Variants in SYNE2 observed in about 807,000 individuals in gnomAD.
SYNE2 encodes nesprin-2.
In SYNE2, 431 loss-of-function variants were observed where a neutral mutation model predicts 856.3. The observed-to-expected ratio is 0.50, with a 90% CI of 0.47 to 0.55. The LOEUF is 0.55. SYNE2 is among the 20% of genes least tolerant of loss of function. The pLI, the probability that SYNE2 is intolerant of heterozygous loss-of-function variation, is 0.00. For synonymous variants in SYNE2, 2,923 were observed against 2,872.3 expected (o/e 1.02, Z -0.56); for missense variants, 8,129 against 8,023.2 (o/e 1.01, Z -0.50).
At chr14:64,048,693 A>G (rs2097202878) in intron 46 of SYNE2, 1 of 153,332 alleles carries the variant, frequency 6.5e-6, no homozygotes, top group African/African-American at 2.4e-5. Context: ...GGACTGCCTG[A>G]GTCCAGGAGT....
At chr14:64,214,097 A>C in intron 105 of SYNE2, 97 bp from the exon 106 acceptor site, 1 of 1,578,060 alleles carries the variant, frequency 6.3e-7, no homozygotes, top group East Asian at 2.3e-5. Context: ...ATTGGCAGTT[A>C]TTTTTGGAAA....
At chr14:64,140,859 A>G (rs1382216469) in intron 80 of SYNE2, among the ~76,000 whole-genome samples, 2 of 151,966 alleles carry the variant, frequency 1.3e-5, no homozygotes, top group African/African-American at 4.8e-5. Context: ...TGGTCAATGC[A>G]TTTATGAAAC....
chr14:64,109,100 C>T (rs2097789279), intron 65 of SYNE2, among the ~76,000 whole-genome samples: 1 of 151,950 alleles, frequency 6.6e-6, no homozygotes, highest in Non-Finnish European at 1.5e-5. Context: ...GTCTCGAACT[C>T]CTGGTCTCAA....
At chr14:63,894,322 T>C (rs1337418513) in intron 1 of SYNE2, among the ~76,000 whole-genome samples, 2 of 152,016 alleles carry the variant, frequency 1.3e-5, no homozygotes, top group Admixed American at 1.3e-4. Flanking sequence ...GCTCAAACTG[T>C]CCTCCTGCCT....
At position 64,089,683 on chromosome 14, in the gene SYNE2, T is replaced by G. The variant is rs762427556; in HGVS notation, c.11780T>G (p.Leu3927Arg). 6.3e-7 allele frequency: 1 copy of G among 1,582,148 alleles called. No homozygotes were observed. Among genetic ancestry groups the G allele is most frequent in the Non-Finnish European group, 8.7e-7 (1 of 1,151,980 alleles). Residue 3927 changes from leucine (L) to arginine (R), a missense_variant, in exon 59 of 116, where the codon CTC becomes CGC. Coordinates refer to ENST00000555002, the MANE Select transcript of SYNE2 (RefSeq NM_182914.3). ...EIFDFSPEEHLKHGEVILENI... is the reference protein window; with the variant it reads ...EIFDFSPEEHRKHGEVILENI... ...TTTGATTTTTCACCTGAAGAACATC[T>G]CAAACATGGGGAGGTAAGCATAGAT... is the stretch of plus-strand genomic sequence containing the variant.
At chr14:63,834,391 T>C (rs1889776050) in intron 1 of SYNE2, among the ~76,000 whole-genome samples, 1 of 152,004 alleles carries the variant, frequency 6.6e-6, no homozygotes, top group Middle Eastern at 3.4e-3. Context: ...GAAAAGAAAA[T>C]TCATCCTTGG....
At chr14:63,958,315 T>C (rs1383531686) in intron 8 of SYNE2, among the ~76,000 whole-genome samples, 2 of 152,250 alleles carry the variant, frequency 1.3e-5, no homozygotes, top group Non-Finnish European at 2.9e-5. Context: ...TATTTAGCTG[T>C]CATATCTCCT....
chr14:63,892,219 A>C (rs2095148800), intron 1 of SYNE2, among the ~76,000 whole-genome samples: 1 of 119,544 alleles, frequency 8.4e-6, no homozygotes, highest in Non-Finnish European at 2.0e-5. Context: ...CTTGACAAAC[A>C]TACTGTTATA....
At chr14:64,211,465 G>A (rs2098640687) in intron 103 of SYNE2, among the ~76,000 whole-genome samples, 1 of 152,166 alleles carries the variant, frequency 6.6e-6, no homozygotes, top group Admixed American at 6.5e-5. Context: ...AATTCTATCA[G>A]TGAAGGCAGA....
intron 45 of SYNE2, among the ~76,000 whole-genome samples, chr14:64,043,129 C>T (rs757541641): frequency 6.6e-6 from 1 of 152,096 alleles, no homozygotes; most frequent in Non-Finnish European, 1.5e-5. Context: ...GCATTTTGCC[C>T]CTGCCCTAGA....
intron 93 of SYNE2, among the ~76,000 whole-genome samples, chr14:64,169,918 T>G (rs757419508): frequency 8.5e-5 from 13 of 152,192 alleles, no homozygotes; most frequent in Non-Finnish European, 1.5e-4. Context: ...TTGATCCAGT[T>G]TCTAGTTTTC....
Position 63,981,021 on chromosome 14 carries a change from A to G in SYNE2, c.1684A>G (p.Met562Val). ...TCAGAATATTAATAAACAGTATATG[A>G]TGGTGAAATCTGATGTTTGTATGTA... ...ECQNINKQYM[M>V]VKSDVCMYRK... Residue 562 changes from methionine (M) to valine (V), a missense_variant, in exon 16 of 116, where the codon ATG (methionine) becomes GTG (valine). Physicochemically the swap from Met to Val is conservative, Grantham distance 21 (BLOSUM62 1). This residue lies in a region of SYNE2 where 2,422 missense variants were observed against 2,357.4 expected (regional missense o/e 1.03). Transcript: ENST00000555002. 1.9e-6 allele frequency: 3 copies of G among 1,572,242 alleles called. No homozygotes were observed. Among genetic ancestry groups the G allele is most frequent in the Non-Finnish European group, 2.6e-6 (3 of 1,143,150 alleles).
In SYNE2 at chr14:64,220,579, C is replaced by T; in HGVS notation, c.20003C>T (p.Ala6668Val). Residue 6668 changes from alanine to valine, a missense_variant, in exon 111 of 116, where the codon GCA becomes GTA. Around this residue, in one of 3 missense-constraint regions of SYNE2, gnomAD observed 5,410 missense variants for 5,284.8 expected, o/e 1.02. Coordinates refer to ENST00000555002, the MANE Select transcript of SYNE2 (RefSeq NM_182914.3). ...CAGCTGAGCCTGCTCTGGGAAGCAG[C>T]ACAGGGCGCAGTGGACAGCTGGAGA... Reference protein sequence around the residue: ...LRQLSLLWEAAQGAVDSWRGG... With the variant: ...LRQLSLLWEAVQGAVDSWRGG... 6.2e-7 allele frequency: 1 copy of T among 1,614,192 alleles called. No homozygotes were observed.
chr14:64,171,907 G>A (rs1158560795), intron 94 of SYNE2, among the ~76,000 whole-genome samples: 1 of 152,224 alleles, frequency 6.6e-6, no homozygotes. Flanking sequence ...CTGGAGTGCA[G>A]TGTTGCGATC....
At chr14:63,807,739 C>T (rs2139815857) in intron 1 of SYNE2, among the ~76,000 whole-genome samples, 1 of 140,944 alleles carries the variant, frequency 7.1e-6, no homozygotes. Context: ...ATCATGGCCT[C>T]CACCTCCTGG....
chr14:64,188,968 G>A, intron 98 of SYNE2: 1 of 702,684 alleles, frequency 1.4e-6, no homozygotes, highest in Non-Finnish European at 2.6e-6. Context: ...GTTTCACCAG[G>A]GAAGGGGCTT....
At chr14:64,173,795 T>C (rs1027637036) in intron 94 of SYNE2, 51 of 547,848 alleles carry the variant, frequency 9.3e-5, no homozygotes, top group Non-Finnish European at 1.6e-4. Flanking sequence ...ACAAAAACTA[T>C]TTAATTTTTC....
intron 100 of SYNE2, among the ~76,000 whole-genome samples, chr14:64,203,316 C>A (rs529724852): frequency 8.5e-5 from 13 of 152,204 alleles, no homozygotes; most frequent in Admixed American, 4.6e-4. Context: ...ACTTTTCTAA[C>A]CAAGGAAGGT....
At chr14:63,804,836 G>A (rs1888298907) in intron 1 of SYNE2, among the ~76,000 whole-genome samples, 1 of 152,020 alleles carries the variant, frequency 6.6e-6, no homozygotes, top group South Asian at 2.1e-4. Context: ...TCATTAGGTT[G>A]GTGCAAAAGT....
Sources: gnomAD v4.1 joint callset for allele counts (sites outside exome capture counted in the v4.1 genomes callset) on GRCh38, gnomAD v4.1.1 for gene constraint, gnomAD v4.1.1 regional missense constraint, MANE v1.5 for transcripts, NCBI Gene and HGNC (gene_info 2026-07-23, HGNC 2026-07-21) for gene names.